The following NFASC variants were observed in gnomAD, a reference collection of about 807,000 sequenced individuals.
NFASC encodes neurofascin homolog.
A neutral mutation model predicts 147.5 loss-of-function variants in NFASC; 43 were observed. The ratio of observed to expected loss-of-function variants is 0.29; its 90% CI spans 0.23 to 0.38. The LOEUF (loss-of-function observed/expected upper bound fraction) is 0.38. NFASC is among the 10% of genes least tolerant of loss of function. NFASC has a pLI of 1.00. For missense variants in NFASC, 1,320 were observed against 1,689.0 expected (o/e 0.78, Z 3.83); for synonymous variants, 622 against 665.5 (o/e 0.93, Z 1.01).
chr1:204,982,123 C>A, intron 21 of NFASC, 103 bp downstream of exon 21: 1 of 681,382 alleles, frequency 1.5e-6, no homozygotes, highest in Non-Finnish European at 2.3e-6. Context: ...GGGAGGACAG[C>A]CAGTTCCCAG....
At chr1:204,873,160 C>T (rs563441642) in intron 1 of NFASC, among the ~76,000 whole-genome samples, 59,220 of 152,082 alleles carry the variant, frequency 0.39, 18,925 homozygotes, top group African/African-American at 0.84. Flanking sequence ...CTTCCAGGCA[C>T]CTTGCATTTG....
chr1:205,011,189 A>G (rs980040782), intron 28 of NFASC, among the ~76,000 whole-genome samples: 30 of 145,806 alleles, frequency 2.1e-4, no homozygotes, highest in Non-Finnish European at 4.5e-5. Flanking sequence ...CATCTCTTAG[A>G]ACAGGTCCTC....
chr1:204,906,850 A>AT (rs1231020758), intron 1 of NFASC, among the ~76,000 whole-genome samples: 20 of 152,040 alleles, frequency 1.3e-4, no homozygotes, highest in East Asian at 1.9e-4. Context: ...TGCCCGGCTA[A>AT]TTTTTTGTAT....
At chr1:204,863,521 T>C (rs2076841608) in intron 1 of NFASC, among the ~76,000 whole-genome samples, 1 of 152,194 alleles carries the variant, frequency 6.6e-6, no homozygotes, top group African/African-American at 2.4e-5. Flanking sequence ...CCATCACTAC[T>C]TTTCTGTTTC....
intron 27 of NFASC, among the ~76,000 whole-genome samples, chr1:205,003,648 G>A (rs772767546): frequency 2.6e-5 from 4 of 152,128 alleles, no homozygotes; most frequent in Non-Finnish European, 5.9e-5. Context: ...TGCCCCCAGG[G>A]GATATCCTAA....
intron 1 of NFASC, among the ~76,000 whole-genome samples, chr1:204,861,854 C>T (rs1238109228): frequency 6.6e-6 from 1 of 152,186 alleles, no homozygotes; most frequent in Non-Finnish European, 1.5e-5. Flanking sequence ...CCTCCCTGTA[C>T]CCACTCCAGA....
intron 1 of NFASC, among the ~76,000 whole-genome samples, chr1:204,902,091 C>T (rs1433670747): frequency 1.3e-5 from 2 of 152,108 alleles, no homozygotes; most frequent in South Asian, 4.2e-4. Flanking sequence ...CCTAGGAATT[C>T]GAGACCAGCC....
intron 1 of NFASC, among the ~76,000 whole-genome samples, chr1:204,850,180 G>A (rs753172715): frequency 4.6e-5 from 7 of 152,196 alleles, no homozygotes; most frequent in Non-Finnish European, 1.0e-4. Context: ...ATTCTGTGAG[G>A]CAATGAGTGA....
intron 4 of NFASC, 104 bp downstream of exon 4, chr1:204,950,678 G>C: frequency 1.9e-6 from 2 of 1,050,256 alleles, no homozygotes; most frequent in South Asian, 2.7e-5. Context: ...TTCTGCTGGG[G>C]CCTCTTCATA....
At chr1:204,910,275 G>A (rs1398973515) in intron 1 of NFASC, among the ~76,000 whole-genome samples, 1 of 152,014 alleles carries the variant, frequency 6.6e-6, no homozygotes, top group Non-Finnish European at 1.5e-5. Context: ...TGTAGTTTTA[G>A]CATACATGTC....
At chr1:204,946,522 G>A in intron 3 of NFASC, 2 of 414,482 alleles carry the variant, frequency 4.8e-6, no homozygotes, top group Admixed American at 2.5e-5. Flanking sequence ...CAGGTCCAGT[G>A]GCCCTGGCAA....
chr1:204,842,828 T>G (rs1206016625), intron 1 of NFASC, among the ~76,000 whole-genome samples: 1 of 152,226 alleles, frequency 6.6e-6, no homozygotes, highest in Non-Finnish European at 1.5e-5. Context: ...CCTCCTTTCC[T>G]CCTCCATCTG....
At position 205,020,820 on chromosome 1, in the gene NFASC, G is replaced by A. The variant is rs1201464265; in HGVS notation, c.*4281G>A. ...TTCTCAGTGGCCAGCAGGTTCCTGG[G>A]AGGCCGGCACAAGGCACCGCTCCCC... On this transcript the variant is annotated 3_prime_UTR_variant, in exon 30 of 30. Transcript: ENST00000339876. 6.6e-6 allele frequency: 1 copy of A among 152,180 alleles called. No homozygotes were observed. Among genetic ancestry groups the A allele is most frequent in the Non-Finnish European group, 1.5e-5 (1 of 68,044 alleles). The allele number at this position is 152,180 out of a possible 1,614,324, so 9.4% of individuals were successfully genotyped here. A position where few individuals can be genotyped will look rare whatever the true frequency, so the allele number is the denominator to read the frequency against.
In NFASC at chr1:204,981,786, C is replaced by A. The variant is rs756968798; in HGVS notation, c.2248-12C>A. The stretch of plus-strand genomic sequence containing the variant: ...CTGGCAGCCTCTCCAGCCTGTCTGT[C>A]CCTCTGCCCAGCCCATGAATGCCAC... On this transcript the variant is annotated splice_polypyrimidine_tract_variant and intron_variant, in intron 20 of 29. Transcript: ENST00000339876. 5.3e-6 allele frequency: 8 copies of A among 1,517,034 alleles called. No individual in the cohort carries two copies. Among genetic ancestry groups the A allele is most frequent in the Non-Finnish European group, 7.1e-6 (8 of 1,125,462 alleles). The allele number at this position is 1,517,034 out of a possible 1,614,324, so 94.0% of individuals were successfully genotyped here. A position where few individuals can be genotyped will look rare whatever the true frequency, so the allele number is the denominator to read the frequency against.
chr1:204,907,944 A>ATGTG (rs58491017), intron 1 of NFASC, among the ~76,000 whole-genome samples: 3,042 of 150,698 alleles, frequency 0.02, 95 homozygotes, highest in African/African-American at 0.068. Flanking sequence ...ATGAGAATAA[A>ATGTG]TGTGTGTGTG....
intron 1 of NFASC, among the ~76,000 whole-genome samples, chr1:204,889,899 T>C (rs1382955751): frequency 6.6e-6 from 1 of 152,242 alleles, no homozygotes; most frequent in East Asian, 1.9e-4. Context: ...CTCCACCTTA[T>C]CACAGCACCA....
At position 204,974,899 on chromosome 1, in the gene NFASC, T is replaced by C. The variant is rs2095361739; in HGVS notation, c.1558+76T>C. 9 of 1,474,000 alleles carry C rather than the reference T, an allele frequency of 6.1e-6. No individual in the cohort carries two copies. In the South Asian group the frequency reaches 1.0e-4, roughly 17 times the overall value. The allele number at this position is 1,474,000 out of a possible 1,614,324, so 91.3% of individuals were successfully genotyped here. A position where few individuals can be genotyped will look rare whatever the true frequency, so the allele number is the denominator to read the frequency against. ...TGCTGGCAGTTATCCACATACAATATTCACATTGAAAATGCACCACACCTG... is the reference window on the plus strand; with the variant it reads ...TGCTGGCAGTTATCCACATACAATACTCACATTGAAAATGCACCACACCTG... On this transcript the variant is annotated intron_variant, in intron 14 of 29. Coordinates refer to ENST00000339876, the MANE Select transcript of NFASC (RefSeq NM_001005388.3).
intron 8 of NFASC, chr1:204,962,150 T>C: frequency 1.2e-6 from 2 of 1,612,924 alleles, no homozygotes; most frequent in East Asian, 2.2e-5. Flanking sequence ...CACCCTGACA[T>C]GTACAGTGGT....
At chr1:204,877,048 T>A (rs2079100103) in intron 1 of NFASC, among the ~76,000 whole-genome samples, 3 of 97,648 alleles carry the variant, frequency 3.1e-5, no homozygotes, top group African/African-American at 1.8e-4. Flanking sequence ...TATATATATA[T>A]AATATATTTA....
Sources: allele counts gnomAD v4.1 joint callset (sites outside exome capture counted in the v4.1 genomes callset), GRCh38; gene constraint gnomAD v4.1.1; transcripts MANE v1.5; gene names NCBI Gene and HGNC (gene_info 2026-07-23, HGNC 2026-07-21).